Variants in PKHD1 observed in about 807,000 individuals in gnomAD.
The protein encoded by PKHD1 is PKHD1 ciliary IPT domain containing fibrocystin/polyductin.
PKHD1 carries 291 observed loss-of-function variants against 412.0 expected under a neutral mutation model. That is an observed-to-expected ratio of 0.71 (90% confidence interval 0.64 to 0.78). PKHD1 has a LOEUF of 0.78. Ranked by LOEUF, PKHD1 falls within the 30% of genes least tolerant of loss-of-function variation. PKHD1 has a pLI of 0.00. For synonymous variants in PKHD1, 1,777 were observed against 1,821.5 expected (o/e 0.98, Z 0.62); for missense variants, 4,825 against 4,950.7 (o/e 0.97, Z 0.76).
At chr6:51,903,963 T>A (rs1180249183) in intron 42 of PKHD1, 23 bp downstream of exon 42, 3 of 1,486,042 alleles carry the variant, frequency 2.0e-6, no homozygotes, top group Non-Finnish European at 2.8e-6. Context: ...TGTAATAGAT[T>A]TAAAATCAAT....
At chr6:51,858,039 G>A (rs1306170746) in intron 48 of PKHD1, among the ~76,000 whole-genome samples, 1 of 147,976 alleles carries the variant, frequency 6.8e-6, no homozygotes, top group Non-Finnish European at 1.5e-5. Context: ...CACCCCTTCA[G>A]GATTTAAATT....
intron 45 of PKHD1, among the ~76,000 whole-genome samples, chr6:51,884,383 A>G (rs1235735167): frequency 1.3e-5 from 2 of 152,172 alleles, no homozygotes; most frequent in African/African-American, 2.4e-5. Flanking sequence ...TGACATATAT[A>G]TCTATCTTTG....
intron 54 of PKHD1, 102 bp from the exon 55 acceptor site, chr6:51,772,891 T>C (rs1035259689): frequency 1.1e-5 from 8 of 750,228 alleles, no homozygotes; most frequent in Admixed American, 3.7e-5. Context: ...AAACATGTGA[T>C]ATAGAATCTC....
At chr6:52,073,583 A>C (rs1810946409) in intron 6 of PKHD1, 42 bp from the exon 7 acceptor site, 1 of 1,102,012 alleles carries the variant, frequency 9.1e-7, no homozygotes, top group Admixed American at 1.7e-5. Flanking sequence ...GACTTAGCTC[A>C]AACTCAATGT....
intron 52 of PKHD1, 119 bp downstream of exon 52, chr6:51,830,742 A>T (rs1768096328): frequency 4.5e-5 from 43 of 965,976 alleles, no homozygotes; most frequent in African/African-American, 6.5e-5. Flanking sequence ...AGAATGAAAC[A>T]ACATAAGTGC....
intron 60 of PKHD1, among the ~76,000 whole-genome samples, chr6:51,715,724 A>T (rs1781177234): frequency 6.6e-6 from 1 of 152,236 alleles, no homozygotes; most frequent in Admixed American, 6.5e-5. Context: ...CCTACTAGAA[A>T]GAGACATTTA....
Position 52,056,767 on chromosome 6 carries a change from A to G in PKHD1, c.1624T>C (p.Leu542=), listed in dbSNP as rs2128209385. Residue 542 remains leucine (L), a synonymous_variant, in exon 18 of 67, where the codon TTA becomes CTA. Coordinates refer to ENST00000371117, the MANE Select transcript of PKHD1 (RefSeq NM_138694.4). ...TCCAGTTTGCATTTTACTGCAAGTA[A>G]CTCCTCAATGGTTGTTTGAATCTAT... is the stretch of plus-strand genomic sequence containing the variant. ...AHLIQTTIEE[L]LAVKCKLEPL... is the part of the protein sequence containing the mutation. 1 of 1,613,070 alleles carries G rather than the reference A, an allele frequency of 6.2e-7. No homozygotes were observed. Among genetic ancestry groups the G allele is most frequent in the East Asian group, 2.2e-5 (1 of 44,860 alleles).
chr6:51,963,003 G>A (rs1792300101), intron 35 of PKHD1, among the ~76,000 whole-genome samples: 1 of 152,138 alleles, frequency 6.6e-6, no homozygotes, highest in South Asian at 2.1e-4. Flanking sequence ...AAATGTTTTT[G>A]AATAATTTAT....
chr6:51,755,001 C>G, intron 55 of PKHD1, 63 bp from the exon 56 acceptor site: 5 of 1,398,350 alleles, frequency 3.6e-6, no homozygotes, highest in Middle Eastern at 1.9e-4. Flanking sequence ...TCTATTAACT[C>G]CAGAGCAAGA....
At chr6:51,847,109 G>A (rs1203567737) in intron 50 of PKHD1, among the ~76,000 whole-genome samples, 6 of 151,764 alleles carry the variant, frequency 4.0e-5, no homozygotes, top group African/African-American at 1.2e-4. Flanking sequence ...ACAGGCATGC[G>A]CCACCACACC....
intron 53 of PKHD1, among the ~76,000 whole-genome samples, chr6:51,790,074 A>C (rs1264242316): frequency 2.0e-5 from 3 of 152,208 alleles, no homozygotes; most frequent in Non-Finnish European, 4.4e-5. Context: ...TTGTTCAGGT[A>C]ATTAGACCTA....
At chr6:51,677,687 C>T (rs1000796593) in intron 60 of PKHD1, among the ~76,000 whole-genome samples, 21 of 152,216 alleles carry the variant, frequency 1.4e-4, no homozygotes, top group African/African-American at 5.1e-4. Context: ...TCTCTACAAT[C>T]AGTTCTTTCA....
chr6:51,981,309 A>AGCTCTC lies in PKHD1; in HGVS notation c.5752-21289_5752-21284dup, dbSNP rs1196928660. Among the ~76,000 whole-genome samples the AGCTCTC allele has an allele frequency of 9.5e-4, 11 of 11,598 alleles. 3 individuals are homozygous for AGCTCTC. The East Asian group carries it at 0.031, about 32-fold the overall frequency. 7.6% of individuals were successfully genotyped at this position (11,598 alleles called of 152,430 possible). ...CCTTTTAGAGAGGCTCCAAAGCTCA[A>AGCTCTC]GCTCTCCCTCTCCCTCTCCCTCTCC... On this transcript the variant is annotated intron_variant, in intron 35 of 66. Transcript: ENST00000371117.
At chr6:52,083,630 T>C (rs973866646) in intron 2 of PKHD1, among the ~76,000 whole-genome samples, 1 of 152,160 alleles carries the variant, frequency 6.6e-6, no homozygotes, top group Non-Finnish European at 1.5e-5. Context: ...ATACTGTCTC[T>C]CTCTGCTCTC....
intron 60 of PKHD1, among the ~76,000 whole-genome samples, chr6:51,736,705 A>G (rs1783895818): frequency 6.6e-6 from 1 of 152,176 alleles, no homozygotes; most frequent in South Asian, 2.1e-4. Flanking sequence ...CTGCAAGCAC[A>G]GATATTGGCA....
intron 49 of PKHD1, among the ~76,000 whole-genome samples, chr6:51,854,001 T>C (rs1772810940): frequency 6.6e-6 from 1 of 152,214 alleles, no homozygotes; most frequent in Non-Finnish European, 1.5e-5. Context: ...AGAGGCACTC[T>C]GGCCTTTTTG....
chr6:52,045,081 T>C lies in PKHD1; in HGVS notation c.2600A>G (p.Asp867Gly). Residue 867 changes from aspartate to glycine, a missense_variant, in exon 25 of 67, where the codon GAT becomes GGT. Transcript: ENST00000371117. ...AGGATTCACTCCAGTAAGGTTTTCA[T>C]CAGAGACCTGAGATGGTTACATTTC... The part of the protein sequence containing the change: ...GDLPNFIRVS[D>G]ENLTGVNPAA... 6.2e-7 allele frequency: 1 copy of C among 1,613,470 alleles called. No individual in the cohort carries two copies. Among genetic ancestry groups the C allele is most frequent in the Non-Finnish European group, 8.5e-7 (1 of 1,179,438 alleles).
Position 52,065,049 on chromosome 6 carries a change from G to A in PKHD1, c.882C>T (p.Gly294=). 6.4e-7 allele frequency: 1 copy of A among 1,567,806 alleles called. No homozygotes were observed. The highest frequency in any genetic ancestry group is 8.7e-7 in the Non-Finnish European group (1 of 1,151,708). The change falls in exon 13 of 67, where the codon GGC becomes GGT. Residue 294 remains glycine (G), a splice_region_variant and synonymous_variant. Coordinates refer to ENST00000371117, the MANE Select transcript of PKHD1 (RefSeq NM_138694.4). ...ACACGTGTCTAATATCACATGGAAT[G>A]CCTAAAGCGAATTAAAGAAATTTAT... ...FDNSAQVTIA[G]IPCDIRHVSP...
At chr6:51,999,963 A>G (rs1798151182) in intron 35 of PKHD1, among the ~76,000 whole-genome samples, 1 of 152,150 alleles carries the variant, frequency 6.6e-6, no homozygotes, top group South Asian at 2.1e-4. Flanking sequence ...GACCCTTCAT[A>G]CCTGGGAAAG....
Sources: allele counts gnomAD v4.1 joint callset (sites outside exome capture counted in the v4.1 genomes callset), GRCh38; gene constraint gnomAD v4.1.1; transcripts MANE v1.5; gene names NCBI Gene and HGNC (gene_info 2026-07-23, HGNC 2026-07-21).